UNC13B: variants seen among roughly 807,000 people sequenced by gnomAD.
UNC13B encodes protein unc-13 homolog B.
UNC13B carries 144 observed loss-of-function variants against 211.0 expected under a neutral mutation model. The ratio of observed to expected loss-of-function variants is 0.68; its 90% CI spans 0.60 to 0.78. UNC13B has a LOEUF of 0.78. UNC13B is among the 30% of genes least tolerant of loss of function. The pLI is 0.00. For synonymous variants in UNC13B, 709 were observed against 725.8 expected (o/e 0.98, Z 0.37); for missense variants, 1,777 against 2,002.0 (o/e 0.89, Z 2.14).
intron 11 of UNC13B, chr9:35,351,717 G>A (rs1174835511): frequency 2.4e-6 from 3 of 1,232,272 alleles, no homozygotes; most frequent in Non-Finnish European, 3.0e-6. Context: ...TTAGCCATTG[G>A]TGGAGATAGA....
chr9:35,396,830 T>C lies in UNC13B; in HGVS notation c.11436-11T>C. 2.5e-6 allele frequency: 4 copies of C among 1,614,030 alleles called. No homozygotes were observed. Among genetic ancestry groups the C allele is most frequent in the Non-Finnish European group, 3.4e-6 (4 of 1,179,896 alleles). The stretch of plus-strand genomic sequence containing the variant: ...TAGTTCTAAGCCCCTGTTCTCCTGC[T>C]GTGGCTGCAGGTGGTTTGAGCAGTT... On this transcript the variant is annotated splice_polypyrimidine_tract_variant and intron_variant, in intron 27 of 39. Transcript: ENST00000635942.
At chr9:35,385,285 A>T in intron 22 of UNC13B, 1 of 985,438 alleles carries the variant, frequency 1.0e-6, no homozygotes, top group Non-Finnish European at 1.2e-6. Flanking sequence ...TATTGTACAA[A>T]AAGTACAGGT....
intron 11 of UNC13B, among the ~76,000 whole-genome samples, chr9:35,336,796 T>C (rs1003498775): frequency 6.6e-6 from 1 of 152,144 alleles, no homozygotes; most frequent in Non-Finnish European, 1.5e-5. Context: ...AATTTTGGAG[T>C]GACACAGACG....
At chr9:35,220,743 T>C (rs1360380315) in intron 1 of UNC13B, among the ~76,000 whole-genome samples, 2 of 152,180 alleles carry the variant, frequency 1.3e-5, no homozygotes, top group South Asian at 2.1e-4. Context: ...GGAGTGCAGA[T>C]TTACTGATTT....
At chr9:35,342,022 A>G in intron 11 of UNC13B, 2 of 985,398 alleles carry the variant, frequency 2.0e-6, no homozygotes, top group Non-Finnish European at 2.4e-6. Context: ...TTAGATTTCT[A>G]CGTTTGCAGC....
rs1342669690 is a variant in UNC13B, at chr9:35,403,506, T to C, written c.12644T>C (p.Met4215Thr). Residue 4215 changes from methionine (M) to threonine (T), a missense_variant, in exon 39 of 40, where the codon ATG (methionine) becomes ACG (threonine). Physicochemically the swap from Met to Thr is moderately conservative, Grantham distance 81. Transcript: ENST00000635942. ...GMFRPFVEVT[M>T]VGPHQSDKKR... The stretch of plus-strand genomic sequence containing the variant: ...TTCCGGCCTTTCGTGGAGGTGACTA[T>C]GGTTGGCCCACACCAAAGTGATAAG... The C allele has an allele frequency of 6.2e-7, 1 of 1,614,006 alleles. No individual in the cohort carries two copies. Among genetic ancestry groups the C allele is most frequent in the South Asian group, 1.1e-5 (1 of 91,068 alleles).
intron 5 of UNC13B, among the ~76,000 whole-genome samples, chr9:35,238,454 G>A (rs979135293): frequency 6.6e-6 from 1 of 151,690 alleles, no homozygotes; most frequent in South Asian, 2.1e-4. Context: ...GATATATAGT[G>A]TTTTACAAAC....
At chr9:35,240,054 G>A (rs1271673706) in intron 5 of UNC13B, among the ~76,000 whole-genome samples, 2 of 152,194 alleles carry the variant, frequency 1.3e-5, no homozygotes, top group Non-Finnish European at 2.9e-5. Flanking sequence ...CTCGAGTATT[G>A]ATTGGGGAAG....
intron 25 of UNC13B, among the ~76,000 whole-genome samples, 181 bp from the exon 26 acceptor site, chr9:35,390,448 C>T (rs1334204651): frequency 6.6e-6 from 1 of 152,272 alleles, no homozygotes; most frequent in Non-Finnish European, 1.5e-5. Flanking sequence ...TCTGCCCTCA[C>T]TTGTCCTGCC....
rs1189231161 is a variant in UNC13B at position 35,404,021 on chromosome 9, G to A, written c.13011G>A (p.Glu4337=). ...VKLKSESRST[E]EGS The stretch of plus-strand genomic sequence containing the variant: ...TCAAATCAGAGTCTCGTTCCACGGA[G>A]GAGGGGAGCTGAACACCTTCGACTC... The change falls in exon 40 of 40, where the codon GAG becomes GAA. Residue 4337 remains glutamate, a synonymous_variant. Transcript: ENST00000635942. The A allele has an allele frequency of 1.2e-6, 2 of 1,613,042 alleles. No homozygotes were observed. The highest frequency in any genetic ancestry group is 1.7e-6 in the Non-Finnish European group (2 of 1,179,772).
intron 1 of UNC13B, among the ~76,000 whole-genome samples, chr9:35,204,420 G>A (rs1261705958): frequency 6.6e-6 from 1 of 152,194 alleles, no homozygotes; most frequent in Non-Finnish European, 1.5e-5. Context: ...AACCTAGAAT[G>A]GTAGATCCAT....
Position 35,303,305 on chromosome 9 carries a change from G to A in UNC13B, c.3901G>A (p.Gly1301Ser). ...VLHCAPSAQLGFLEKSMAKRQ... is the reference protein window; with the variant it reads ...VLHCAPSAQLSFLEKSMAKRQ... The stretch of plus-strand genomic sequence containing the variant: ...TCACTGTGCTCCAAGTGCTCAGCTA[G>A]GTTTTTTGGAGAAATCTATGGCTAA... The change falls in exon 9 of 40, where the codon GGT becomes AGT. Residue 1301 changes from glycine to serine, a missense_variant. By Grantham distance (56) the Gly-to-Ser change is moderately conservative. Transcript: ENST00000635942. 2.5e-6 allele frequency: 1 copy of A among 398,586 alleles called. No individual in the cohort carries two copies. The highest frequency in any genetic ancestry group is 4.4e-6 in the Non-Finnish European group (1 of 225,804). 24.7% of individuals were successfully genotyped at this position (398,586 alleles called of 1,614,324 possible). A position where few individuals can be genotyped will look rare whatever the true frequency, so the allele number is the denominator to read the frequency against.
At chr9:35,263,931 TGTG>T (rs926567807) in intron 7 of UNC13B, among the ~76,000 whole-genome samples, 2 of 152,174 alleles carry the variant, frequency 1.3e-5, no homozygotes, top group Non-Finnish European at 2.9e-5. Context: ...CCTCCAGAAC[TGTG>T]AGAAATAAAT....
At chr9:35,228,939 G>C (rs1166095583) in intron 2 of UNC13B, among the ~76,000 whole-genome samples, 1 of 151,904 alleles carries the variant, frequency 6.6e-6, no homozygotes, top group African/African-American at 2.4e-5. Context: ...CTATGTACTA[G>C]ATTCAGAAGT....
intron 1 of UNC13B, among the ~76,000 whole-genome samples, chr9:35,218,754 C>CT (rs774961811): frequency 0.013 from 1,882 of 147,774 alleles, 19 homozygotes; most frequent in Non-Finnish European, 0.017. Flanking sequence ...TTTCTTTTCT[C>CT]TTTTTTCTTT....
chr9:35,344,283 T>C (rs753839998), intron 11 of UNC13B, among the ~76,000 whole-genome samples: 6 of 152,138 alleles, frequency 3.9e-5, no homozygotes, highest in Non-Finnish European at 7.3e-5. Context: ...TCTTTTTTTG[T>C]CCTGAGTGAG....
intron 1 of UNC13B, among the ~76,000 whole-genome samples, chr9:35,176,989 A>C (rs555617291): frequency 2.3e-4 from 35 of 152,248 alleles, no homozygotes; most frequent in Admixed American, 5.9e-4. Flanking sequence ...GAAAGGGAAA[A>C]TATGGATTAA....
intron 1 of UNC13B, among the ~76,000 whole-genome samples, chr9:35,215,578 A>G (rs1824208141): frequency 2.0e-5 from 3 of 152,178 alleles, no homozygotes; most frequent in South Asian, 2.1e-4. Context: ...TTTTCTGGGA[A>G]GAATTTAGAG....
rs150996676 is a variant in UNC13B at position 35,198,057 on chromosome 9, C to T, written c.23-29958C>T. Among the ~76,000 whole-genome samples, 261 of 152,322 alleles carry T rather than the reference C, an allele frequency of 1.7e-3. 7 individuals are homozygous for T. The East Asian group carries it at 0.041, about 24-fold the overall frequency. ...TTATCAGTTAAGGTAATAATGTTAA[C>T]ACCCCACTTGGTGTATATCTTTCCA... On this transcript the variant is annotated intron_variant, in intron 1 of 39. Transcript: ENST00000635942.
Sources: gnomAD v4.1 joint callset for allele counts (sites outside exome capture counted in the v4.1 genomes callset) on GRCh38, gnomAD v4.1.1 for gene constraint, MANE v1.5 for transcripts, NCBI Gene and HGNC (gene_info 2026-07-23, HGNC 2026-07-21) for gene names.